The following CDH13 variants were observed in gnomAD, a reference collection of about 807,000 sequenced individuals.
The protein encoded by CDH13 is cadherin 13.
Under a neutral mutation model 63.8 loss-of-function variants are expected in CDH13, and 24 were observed. That is an observed-to-expected ratio of 0.38 (90% CI 0.27 to 0.53). The LOEUF (loss-of-function observed/expected upper bound fraction) is 0.53, where lower values mean the gene tolerates loss of function less well. Among genes scored for constraint, CDH13 ranks in the 20% least tolerant of loss-of-function variants. The pLI, the probability that CDH13 is intolerant of heterozygous loss-of-function variation, is 0.85. For missense variants in CDH13, 1,049 were observed against 903.1 expected (o/e 1.16, Z -2.07); for synonymous variants, 503 against 355.3 (o/e 1.42, Z -4.67).
At chr16:82,813,589 G>A (rs994341491) in intron 1 of CDH13, among the ~76,000 whole-genome samples, 1 of 152,152 alleles carries the variant, frequency 6.6e-6, no homozygotes. Context: ...TCTTCCCGGA[G>A]GCTGCTTGTG....
At chr16:82,948,960 T>A (rs937261026) in intron 2 of CDH13, among the ~76,000 whole-genome samples, 2 of 152,212 alleles carry the variant, frequency 1.3e-5, no homozygotes, top group Non-Finnish European at 2.9e-5. Context: ...CTTTCAAACT[T>A]ACTATAGAAA....
chr16:83,254,949 C>CTTTTCCTT lies in CDH13; in HGVS notation c.636+37453_636+37454insTTTCCTTT, dbSNP rs1358807734. On this transcript the variant is annotated intron_variant, in intron 5 of 13. Transcript: ENST00000567109. ...GCTCTTTCTTGGATTTTTTCTTTTT[C>CTTTTCCTT]TCTTTCTTTCTTTCTTTCTTTCTTT... 3.0e-4 allele frequency among the ~76,000 whole-genome samples: 2 copies of CTTTTCCTT among 6,728 alleles called. 1 individual carries two copies. The highest frequency in any genetic ancestry group is 3.5e-4 in the African/African-American group (2 of 5,646). 4.4% of individuals were successfully genotyped at this position (6,728 alleles called of 152,430 possible).
At chr16:83,016,575 T>G (rs1259996432) in intron 2 of CDH13, among the ~76,000 whole-genome samples, 2 of 152,140 alleles carry the variant, frequency 1.3e-5, no homozygotes, top group Non-Finnish European at 2.9e-5. Context: ...TGCAGTTTGA[T>G]TGGCATCCCT....
rs371118331 is a variant in CDH13 at position 83,354,723 on chromosome 16, A to G, written c.781+9717A>G. 1.8e-4 allele frequency among the ~76,000 whole-genome samples: 27 copies of G among 152,338 alleles called. No homozygotes were observed. The East Asian group carries it at 4.1e-3, about 23-fold the overall frequency. ...GGAAGTGCAGAGACCTGAGGCAGGA[A>G]TGACCTGAGGGACGGTAGTACCAGG... On this transcript the variant is annotated intron_variant, in intron 6 of 13. Transcript: ENST00000567109.
At chr16:83,183,472 G>C (rs990969414) in intron 4 of CDH13, among the ~76,000 whole-genome samples, 1 of 152,222 alleles carries the variant, frequency 6.6e-6, no homozygotes, top group African/African-American at 2.4e-5. Context: ...TGCTACACAT[G>C]GGAATTGGGT....
chr16:83,257,299 C>G (rs76926358), intron 5 of CDH13, among the ~76,000 whole-genome samples: 2,707 of 152,154 alleles, frequency 0.018, 81 homozygotes, highest in African/African-American at 0.06. Flanking sequence ...ACAGCTGCAA[C>G]TCAAGTAGAA....
chr16:83,297,587 G>A (rs186057634), intron 5 of CDH13, among the ~76,000 whole-genome samples: 17 of 152,148 alleles, frequency 1.1e-4, no homozygotes, highest in African/African-American at 3.1e-4. Flanking sequence ...CTTGGGCACT[G>A]TTCTCAGTGG....
chr16:83,766,360 T>G (rs1026152477), intron 11 of CDH13, among the ~76,000 whole-genome samples: 1 of 152,242 alleles, frequency 6.6e-6, no homozygotes, highest in African/African-American at 2.4e-5. Context: ...ACAAAAATAA[T>G]TGTAGTTTTT....
At chr16:82,993,159 G>A (rs538850668) in intron 2 of CDH13, among the ~76,000 whole-genome samples, 2 of 152,146 alleles carry the variant, frequency 1.3e-5, no homozygotes, top group South Asian at 2.1e-4. Flanking sequence ...TTCTGCCCTC[G>A]ATATCTGTTT....
intron 5 of CDH13, among the ~76,000 whole-genome samples, chr16:83,232,531 G>A (rs2040028774): frequency 2.3e-5 from 3 of 133,056 alleles, no homozygotes; most frequent in Non-Finnish European, 4.6e-5. Context: ...CTCAAAAAAC[G>A]ACAACAACAA....
chr16:82,849,263 G>A (rs540703265), intron 1 of CDH13, among the ~76,000 whole-genome samples: 6 of 152,130 alleles, frequency 3.9e-5, no homozygotes, highest in Admixed American at 6.5e-5. Flanking sequence ...CAGCACTTTC[G>A]GAGACCAAAG....
chr16:83,678,770 C>A (rs1420871118), intron 10 of CDH13, among the ~76,000 whole-genome samples: 1 of 152,134 alleles, frequency 6.6e-6, no homozygotes, highest in Non-Finnish European at 1.5e-5. Context: ...GAGAAGGGAG[C>A]CACTCTGGGT....
At chr16:82,808,104 C>T (rs187397437) in intron 1 of CDH13, among the ~76,000 whole-genome samples, 15 of 152,248 alleles carry the variant, frequency 9.9e-5, no homozygotes, top group Admixed American at 9.8e-4. Context: ...AGCTAACTAG[C>T]TCAGTGAGCC....
At chr16:83,131,077 T>A in intron 4 of CDH13, among the ~76,000 whole-genome samples, 1 of 152,094 alleles carries the variant, frequency 6.6e-6, no homozygotes, top group East Asian at 1.9e-4. Flanking sequence ...TACTAGAATT[T>A]GGGATCTGCT....
At chr16:83,266,091 C>A (rs1016467517) in intron 5 of CDH13, among the ~76,000 whole-genome samples, 23 of 152,166 alleles carry the variant, frequency 1.5e-4, no homozygotes, top group African/African-American at 5.3e-4. Context: ...CGCCTGCCAC[C>A]ACGTCCGGCT....
At chr16:83,107,484 G>A (rs2034829489) in intron 3 of CDH13, among the ~76,000 whole-genome samples, 3 of 152,200 alleles carry the variant, frequency 2.0e-5, no homozygotes, top group Admixed American at 1.3e-4. Context: ...GACCAATGCA[G>A]CCTTCTTTCC....
intron 4 of CDH13, among the ~76,000 whole-genome samples, chr16:83,171,765 G>C (rs1289338771): frequency 6.6e-6 from 1 of 152,086 alleles, no homozygotes; most frequent in African/African-American, 2.4e-5. Context: ...TTTTCAGGTA[G>C]TATTGTAGGA....
At chr16:83,094,337 C>G (rs1203809894) in intron 3 of CDH13, among the ~76,000 whole-genome samples, 3 of 152,114 alleles carry the variant, frequency 2.0e-5, no homozygotes, top group Admixed American at 1.3e-4. Flanking sequence ...GAAATGTTCT[C>G]AGGAGTAACC....
At chr16:82,631,313 G>C (rs966752809) in intron 1 of CDH13, among the ~76,000 whole-genome samples, 1 of 152,174 alleles carries the variant, frequency 6.6e-6, no homozygotes, top group East Asian at 1.9e-4. Flanking sequence ...TCTTTAGGTA[G>C]CCAAAAGGCA....
Sources: allele counts gnomAD v4.1 joint callset (sites outside exome capture counted in the v4.1 genomes callset), GRCh38; gene constraint gnomAD v4.1.1; transcripts MANE v1.5; gene names NCBI Gene and HGNC (gene_info 2026-07-23, HGNC 2026-07-21).